The following LRRN1 variants were observed in gnomAD, a reference collection of about 807,000 sequenced individuals.
LRRN1 encodes the protein leucine-rich repeat neuronal protein 1.
LRRN1 carries 14 observed loss-of-function variants against 45.8 expected under a neutral mutation model. That is an observed-to-expected ratio of 0.31 (90% confidence interval 0.20 to 0.48). The LOEUF is 0.48. LRRN1 is among the 20% of genes least tolerant of loss of function. LRRN1 has a pLI of 0.99. For missense variants in LRRN1, 789 were observed against 874.2 expected (o/e 0.90, Z 1.23); for synonymous variants, 359 against 330.1 (o/e 1.09, Z -0.95).
intron 1 of LRRN1, among the ~76,000 whole-genome samples, chr3:3,806,197 T>C (rs1437379646): frequency 2.6e-5 from 4 of 152,148 alleles, no homozygotes; most frequent in Non-Finnish European, 5.9e-5. Context: ...GGTCCAAATG[T>C]CAGTAGTCGC....
intron 1 of LRRN1, among the ~76,000 whole-genome samples, chr3:3,807,748 T>A (rs1692795505): frequency 6.6e-6 from 1 of 152,156 alleles, no homozygotes; most frequent in African/African-American, 2.4e-5. Context: ...GGAATCTACA[T>A]GAACTCATCA....
At chr3:3,836,969 GC>G (rs1420240476) in intron 1 of LRRN1, among the ~76,000 whole-genome samples, 1 of 152,108 alleles carries the variant, frequency 6.6e-6, no homozygotes, top group Non-Finnish European at 1.5e-5. Context: ...TTTTTTCTTG[GC>G]CCACCTACAC....
In LRRN1 at chr3:3,846,617, A is replaced by C. The variant is rs1693784829; in HGVS notation, c.1976A>C (p.Lys659Thr). 1.2e-6 allele frequency: 2 copies of C among 1,613,996 alleles called. No individual in the cohort carries two copies. The highest frequency in any genetic ancestry group is 4.5e-5 in the East Asian group (2 of 44,880). ...AVYFAKRFKRKNYHHSLKKYM... is the reference protein window; with the variant it reads ...AVYFAKRFKRTNYHHSLKKYM... ...TACTTTGCCAAAAGATTTAAGAGAA[A>C]AAACTACCACCACTCATTAAAAAAG... The change falls in exon 2 of 2, where the codon AAA becomes ACA. Residue 659 changes from lysine (K) to threonine (T), a missense_variant. Transcript: ENST00000319331. This position sits in a 1 kb window ranked among gnomAD's most constrained non-coding sequence, Gnocchi z 5.7.
intron 1 of LRRN1, among the ~76,000 whole-genome samples, chr3:3,814,321 G>C (rs1271293389): frequency 6.6e-6 from 1 of 150,964 alleles, no homozygotes; most frequent in Non-Finnish European, 1.5e-5. Context: ...GGATATTCTT[G>C]ATGTCCCTCC....
chr3:3,824,550 A>G (rs1693175412), intron 1 of LRRN1, among the ~76,000 whole-genome samples: 1 of 152,118 alleles, frequency 6.6e-6, no homozygotes, highest in African/African-American at 2.4e-5. Flanking sequence ...ATTTTTTGAA[A>G]TAAGTTGGCC....
chr3:3,832,612 T>A (rs1693395686), intron 1 of LRRN1, among the ~76,000 whole-genome samples: 1 of 152,074 alleles, frequency 6.6e-6, no homozygotes, highest in Non-Finnish European at 1.5e-5. Context: ...ATGCTGGAGG[T>A]CTCCTAGGGG....
Position 3,799,440 on chromosome 3 carries a change from G to C in LRRN1, c.-758G>C, listed in dbSNP as rs1413442180. ...GCACGCCGGCTGCGGGGAGCACAAAGCGGGGCGCACCGCGGGCGCCGGCAA... is the reference window on the plus strand; with the variant it reads ...GCACGCCGGCTGCGGGGAGCACAAACCGGGGCGCACCGCGGGCGCCGGCAA... On this transcript the variant is annotated 5_prime_UTR_variant, in exon 1 of 2. Coordinates refer to ENST00000319331, the MANE Select transcript of LRRN1 (RefSeq NM_020873.7). The C allele has an allele frequency of 2.6e-5, 4 of 151,970 alleles. No individual in the cohort carries two copies. Among genetic ancestry groups the C allele is most frequent in the African/African-American group, 7.2e-5 (3 of 41,418 alleles). The allele number at this position is 151,970 out of a possible 1,614,324, so 9.4% of individuals were successfully genotyped here.
chr3:3,822,293 A>G (rs1206626346), intron 1 of LRRN1, among the ~76,000 whole-genome samples: 4 of 152,170 alleles, frequency 2.6e-5, no homozygotes, highest in Admixed American at 6.5e-5. Context: ...TACAACTACT[A>G]CTCAGCCAAA....
In LRRN1 at chr3:3,849,537, G is replaced by C. The variant is rs1471359410; in HGVS notation, c.*2745G>C. Among the ~76,000 whole-genome samples, 1 of 152,162 alleles carries C rather than the reference G, an allele frequency of 6.6e-6. No homozygotes were observed. Among genetic ancestry groups the C allele is most frequent in the Non-Finnish European group, 1.5e-5 (1 of 68,020 alleles). Reference sequence around the variant, plus strand: ...GGTCCTGATGGATAATGAATGTTATGTCACCTTTAACAGTGAAGTGGTTAT... The same window carrying C: ...GGTCCTGATGGATAATGAATGTTATCTCACCTTTAACAGTGAAGTGGTTAT... On this transcript the variant is annotated 3_prime_UTR_variant, in exon 2 of 2. Coordinates refer to ENST00000319331, the MANE Select transcript of LRRN1 (RefSeq NM_020873.7).
chr3:3,841,969 G>C (rs541654323), intron 1 of LRRN1, among the ~76,000 whole-genome samples: 1 of 152,280 alleles, frequency 6.6e-6, no homozygotes, highest in Non-Finnish European at 1.5e-5. Context: ...TTGTGCAAAT[G>C]TCATAGAGTA....
chr3:3,807,256 G>A (rs1273240567), intron 1 of LRRN1, among the ~76,000 whole-genome samples: 5 of 152,200 alleles, frequency 3.3e-5, no homozygotes, highest in African/African-American at 1.2e-4. Flanking sequence ...ATAGGAGAGT[G>A]CAGCTAGAGT....
At chr3:3,837,311 G>A (rs554220520) in intron 1 of LRRN1, among the ~76,000 whole-genome samples, 1 of 133,418 alleles carries the variant, frequency 7.5e-6, no homozygotes, top group South Asian at 2.8e-4. Flanking sequence ...TTGGATTGGG[G>A]GCAAGGGCTT....
At chr3:3,828,397 T>C (rs1443223100) in intron 1 of LRRN1, among the ~76,000 whole-genome samples, 1 of 151,880 alleles carries the variant, frequency 6.6e-6, no homozygotes, top group Non-Finnish European at 1.5e-5. Context: ...CCTGCCTTTT[T>C]TTTTGCTGGA....
At position 3,845,414 on chromosome 3, in the gene LRRN1, C is replaced by T. The variant is rs1206532743; in HGVS notation, c.773C>T (p.Ala258Val). The T allele has an allele frequency of 6.2e-7, 1 of 1,614,088 alleles. No individual in the cohort carries two copies. Among genetic ancestry groups the T allele is most frequent in the Non-Finnish European group, 8.5e-7 (1 of 1,180,016 alleles). The change falls in exon 2 of 2, where the codon GCC becomes GTC. Residue 258 changes from alanine (A) to valine (V), a missense_variant. By Grantham distance (64) the Ala-to-Val change is moderately conservative. Coordinates refer to ENST00000319331, the MANE Select transcript of LRRN1 (RefSeq NM_020873.7). The surrounding 1 kb of genome is among the most constrained non-coding windows in gnomAD (Gnocchi z 6.5). Reference protein sequence around the residue: ...DNKLVKVPQLALQKVPNLKFL... With the variant: ...DNKLVKVPQLVLQKVPNLKFL... ...AAACTGGTTAAAGTCCCTCAACTTG[C>T]CCTGCAAAAAGTTCCAAATTTGAAA...
At chr3:3,843,048 A>G (rs1045443057) in intron 1 of LRRN1, among the ~76,000 whole-genome samples, 3 of 152,252 alleles carry the variant, frequency 2.0e-5, no homozygotes, top group Non-Finnish European at 4.4e-5. Context: ...GATTAGAGAT[A>G]CAAGATGATG....
chr3:3,834,965 A>C (rs1327706127), intron 1 of LRRN1, among the ~76,000 whole-genome samples: 4 of 152,112 alleles, frequency 2.6e-5, no homozygotes, highest in Admixed American at 2.6e-4. Flanking sequence ...TGTATCCCTC[A>C]ATCCAGTCAA....
At chr3:3,830,278 A>G (rs937068674) in intron 1 of LRRN1, among the ~76,000 whole-genome samples, 5 of 152,046 alleles carry the variant, frequency 3.3e-5, no homozygotes, top group South Asian at 2.1e-4. Context: ...CTCCTCCCCA[A>G]ATTTCTTTGT....
At chr3:3,802,530 C>T (rs1464992620) in intron 1 of LRRN1, among the ~76,000 whole-genome samples, 1 of 152,170 alleles carries the variant, frequency 6.6e-6, no homozygotes, top group African/African-American at 2.4e-5. Context: ...GGGTGGACAA[C>T]AGATGTTAGT....
intron 1 of LRRN1, among the ~76,000 whole-genome samples, chr3:3,803,917 G>GATAA (rs1192752233): frequency 6.6e-6 from 1 of 152,148 alleles, no homozygotes; most frequent in African/African-American, 2.4e-5. Context: ...CTGAAACATA[G>GATAA]ATAAATGCAT....
Sources: allele counts gnomAD v4.1 joint callset (sites outside exome capture counted in the v4.1 genomes callset), GRCh38; gene constraint gnomAD v4.1.1; non-coding constraint Gnocchi (gnomAD v3.1); transcripts MANE v1.5; gene names NCBI Gene and HGNC (gene_info 2026-07-23, HGNC 2026-07-21).